Variants in TNFSF18 observed in about 807,000 individuals in gnomAD.
The protein encoded by TNFSF18 is TNF superfamily member 18, also known as tumor necrosis factor ligand superfamily member 18.
Under a neutral mutation model 9.6 loss-of-function variants are expected in TNFSF18, and 6 were observed. The observed-to-expected ratio is 0.63, with a 90% CI of 0.34 to 1.24. The LOEUF is 1.24. Ranked by LOEUF, TNFSF18 falls within the 50% of genes most tolerant of loss-of-function variation. The pLI is 0.03. For missense variants in TNFSF18, 210 were observed against 201.0 expected (o/e 1.04, Z -0.27); for synonymous variants, 68 against 71.7 (o/e 0.95, Z 0.26).
At chr1:173,049,555 G>A (rs769338848) in intron 1 of TNFSF18, among the ~76,000 whole-genome samples, 105 of 152,226 alleles carry the variant, frequency 6.9e-4, no homozygotes, top group Non-Finnish European at 1.2e-3. Context: ...GGGCTACTGT[G>A]GAAAAATTGG....
rs747192795 is a variant in TNFSF18, at chr1:173,050,888, C to G, written c.9G>C (p.Leu3Phe). The G allele has an allele frequency of 1.9e-6, 3 of 1,613,784 alleles. No homozygotes were observed. The South Asian group carries it at 3.3e-5, about 18-fold the overall frequency. Residue 3 changes from leucine (L) to phenylalanine (F), a missense_variant, in exon 1 of 3, where the codon TTG becomes TTC. Coordinates refer to ENST00000404377, the MANE Select transcript of TNFSF18 (RefSeq NM_005092.4). ...TTAAAGGCATATTTTCCAAGTGGCT[C>G]AAACACATTTTTGGAGAAATGAGAG... MCLSHLENMPLSH... is the reference protein window; with the variant it reads MCFSHLENMPLSH...
At chr1:173,050,130 T>C (rs1665146145) in intron 1 of TNFSF18, among the ~76,000 whole-genome samples, 1 of 152,200 alleles carries the variant, frequency 6.6e-6, no homozygotes, top group African/African-American at 2.4e-5. Flanking sequence ...ATTTTATAGC[T>C]AGAAGAAACA....
chr1:173,050,940 A>T lies in TNFSF18; in HGVS notation c.-44T>A, dbSNP rs1188887180. ...TGTGGAAAACAAAAATTCACAAGTG[A>T]TGGGTGAAGGATGCAATGTCATGTT... On this transcript the variant is annotated 5_prime_UTR_variant, in exon 1 of 3. Transcript: ENST00000404377. The T allele has an allele frequency of 6.2e-7, 1 of 1,613,580 alleles. No individual in the cohort carries two copies. The highest frequency in any genetic ancestry group is 1.7e-5 in the Admixed American group (1 of 60,000).
rs1172494133 is a variant in TNFSF18, at chr1:173,041,235, C to A, written c.*132G>T. ...GATAGGCATGATAGATGAAAATTCA[C>A]GTGCAGAGGAGTTCTGTTTGTGTTG... is the stretch of plus-strand genomic sequence containing the variant. On this transcript the variant is annotated 3_prime_UTR_variant, in exon 3 of 3. Transcript: ENST00000404377. The A allele has an allele frequency of 4.2e-6, 3 of 718,962 alleles. No homozygotes were observed. The highest frequency in any genetic ancestry group is 3.2e-5 in the Admixed American group (1 of 31,396). 44.5% of individuals were successfully genotyped at this position (718,962 alleles called of 1,614,324 possible). A position where few individuals can be genotyped will look rare whatever the true frequency, so the allele number is the denominator to read the frequency against.
rs186245316 is a variant in TNFSF18, at chr1:173,049,182, C to A, written c.156+1559G>T. 2.0e-3 allele frequency among the ~76,000 whole-genome samples: 299 copies of A among 152,234 alleles called. 5 individuals are homozygous for A. Among genetic ancestry groups the A allele is most frequent in the Non-Finnish European group, 4.4e-4 (30 of 68,000 alleles). Reference sequence around the variant, plus strand: ...TCCCAGATGATCTGGCATTATTAGACTTTCTCTTTCCCTTTGCAAGAACTG... The same window carrying A: ...TCCCAGATGATCTGGCATTATTAGAATTTCTCTTTCCCTTTGCAAGAACTG... On this transcript the variant is annotated intron_variant, in intron 1 of 2. Transcript: ENST00000404377.
At chr1:173,045,834 G>T (rs1463902265) in intron 1 of TNFSF18, among the ~76,000 whole-genome samples, 2 of 152,158 alleles carry the variant, frequency 1.3e-5, no homozygotes, top group Non-Finnish European at 2.9e-5. Context: ...TTGGATAGAT[G>T]CATGGACAAT....
Position 173,041,571 on chromosome 1 carries a change from T to A in TNFSF18, c.330A>T (p.Val110=). 6.2e-7 allele frequency: 1 copy of A among 1,613,638 alleles called. No individual in the cohort carries two copies. The highest frequency in any genetic ancestry group is 8.5e-7 in the Non-Finnish European group (1 of 1,179,674). ...TATACAGCCGCACCTCAAAAGGAGC[T>A]ACATCATTGTAGTTTGCATTGGGAG... ...QVAPNANYND[V]APFEVRLYKN... Residue 110 remains valine, a synonymous_variant, in exon 3 of 3, where the codon GTA becomes GTT. Coordinates refer to ENST00000404377, the MANE Select transcript of TNFSF18 (RefSeq NM_005092.4).
chr1:173,041,470 A>C lies in TNFSF18; in HGVS notation c.431T>G (p.Val144Gly), dbSNP rs772060296. 6.2e-7 allele frequency: 1 copy of C among 1,613,542 alleles called. No individual in the cohort carries two copies. The highest frequency in any genetic ancestry group is 8.5e-7 in the Non-Finnish European group (1 of 1,179,614). ...QNVGGTYELH[V>G]GDTIDLIFNS... Reference sequence around the variant, plus strand: ...GAATATCAAGTCTATGGTGTCCCCAACATGCAATTCATAAGTCCCTCCTAC... The same window carrying C: ...GAATATCAAGTCTATGGTGTCCCCACCATGCAATTCATAAGTCCCTCCTAC... The change falls in exon 3 of 3, where the codon GTT becomes GGT. Residue 144 changes from valine (V) to glycine (G), a missense_variant. Val to Gly is a moderately radical substitution (Grantham distance 109). Transcript: ENST00000404377.
In TNFSF18 at chr1:173,041,529, T is replaced by C. The variant is rs1416894555; in HGVS notation, c.372A>G (p.Ile124Met). 6 of 1,613,606 alleles carry C rather than the reference T, an allele frequency of 3.7e-6. No homozygotes were observed. Among genetic ancestry groups the C allele is most frequent in the Middle Eastern group, 1.6e-4 (1 of 6,062 alleles). Residue 124 changes from isoleucine (I) to methionine (M), a missense_variant, in exon 3 of 3, where the codon ATA (isoleucine) becomes ATG (methionine). Coordinates refer to ENST00000404377, the MANE Select transcript of TNFSF18 (RefSeq NM_005092.4). Reference protein sequence around the residue: ...EVRLYKNKDMIQTLTNKSKIQ... With the variant: ...EVRLYKNKDMMQTLTNKSKIQ... ...TTTTAGATTTGTTTGTTAGAGTTTG[T>C]ATCATGTCTTTGTTTTTATACAGCC...
chr1:173,043,987 G>A lies in TNFSF18; in HGVS notation c.157-18C>T, dbSNP rs1665032148. The A allele has an allele frequency of 6.2e-7, 1 of 1,609,736 alleles. No homozygotes were observed. The highest frequency in any genetic ancestry group is 8.5e-7 in the Non-Finnish European group (1 of 1,176,194). On this transcript the variant is annotated intron_variant, in intron 1 of 2. Transcript: ENST00000404377. ...TTAGCAGTCTGTTGGGGAAATAAAA[G>A]ATGAATTGATTAGGATGATGACAGT...
Position 173,041,354 on chromosome 1 carries a change from T to G in TNFSF18, c.*13A>C. On this transcript the variant is annotated 3_prime_UTR_variant, in exon 3 of 3. Coordinates refer to ENST00000404377, the MANE Select transcript of TNFSF18 (RefSeq NM_005092.4). Reference sequence around the variant, plus strand: ...ACATGTGCTGAAGGGAATGAGGAGATCAAATCAAGTCTCTAGGAGATGAAT... The same window carrying G: ...ACATGTGCTGAAGGGAATGAGGAGAGCAAATCAAGTCTCTAGGAGATGAAT... 3.8e-6 allele frequency: 6 copies of G among 1,580,018 alleles called. No individual in the cohort carries two copies. The highest frequency in any genetic ancestry group is 5.2e-6 in the Non-Finnish European group (6 of 1,159,994).
chr1:173,043,021 A>G (rs1665017300), intron 2 of TNFSF18, among the ~76,000 whole-genome samples: 1 of 152,170 alleles, frequency 6.6e-6, no homozygotes, highest in African/African-American at 2.4e-5. Flanking sequence ...ACCAGGAAGA[A>G]GTGTCATTGG....
intron 1 of TNFSF18, among the ~76,000 whole-genome samples, chr1:173,045,999 A>G (rs1395325901): frequency 6.6e-6 from 1 of 152,142 alleles, no homozygotes; most frequent in African/African-American, 2.4e-5. Flanking sequence ...GAGTTATTAG[A>G]TGTTTGAAGA....
At chr1:173,044,846 G>C (rs1665053877) in intron 1 of TNFSF18, among the ~76,000 whole-genome samples, 1 of 152,094 alleles carries the variant, frequency 6.6e-6, no homozygotes, top group Non-Finnish European at 1.5e-5. Flanking sequence ...AGAGAGCATG[G>C]TGTCTCTGAC....
intron 1 of TNFSF18, among the ~76,000 whole-genome samples, chr1:173,049,768 T>TAA (rs1369604395): frequency 3.3e-5 from 5 of 152,200 alleles, no homozygotes; most frequent in Non-Finnish European, 5.9e-5. Flanking sequence ...CCCCAAAACT[T>TAA]AGAGTCTTCA....
chr1:173,048,777 C>T (rs879164714), intron 1 of TNFSF18, among the ~76,000 whole-genome samples: 6 of 152,078 alleles, frequency 3.9e-5, no homozygotes, highest in East Asian at 3.9e-4. Flanking sequence ...TAAAACTTCA[C>T]GGTTCATGGG....
chr1:173,042,191 C>G (rs892274653), intron 2 of TNFSF18, among the ~76,000 whole-genome samples: 2 of 152,172 alleles, frequency 1.3e-5, no homozygotes, highest in South Asian at 4.1e-4. Flanking sequence ...ATCATTCCCT[C>G]ATTTTACCTT....
chr1:173,044,536 T>C (rs1263207434), intron 1 of TNFSF18, among the ~76,000 whole-genome samples: 1 of 152,182 alleles, frequency 6.6e-6, no homozygotes, highest in Admixed American at 6.6e-5. Flanking sequence ...TGTACGGCAG[T>C]TCACATGCTA....
chr1:173,047,078 TA>T lies in TNFSF18; in HGVS notation c.157-3110del, dbSNP rs1188925653. Among the ~76,000 whole-genome samples, 3 of 152,188 alleles carry T rather than the reference TA, an allele frequency of 2.0e-5. No homozygotes were observed. The East Asian group carries it at 5.8e-4, about 29-fold the overall frequency. On this transcript the variant is annotated intron_variant, in intron 1 of 2. Transcript: ENST00000404377. ...CAGCTATTTTTTTTGTATTTTTTTG[TA>T]GAGACAGGGTTTTGCCATGTTGCCC... is the stretch of plus-strand genomic sequence containing the variant.
Sources: gnomAD v4.1 joint callset for allele counts (sites outside exome capture counted in the v4.1 genomes callset) on GRCh38, gnomAD v4.1.1 for gene constraint, MANE v1.5 for transcripts, NCBI Gene and HGNC (gene_info 2026-07-23, HGNC 2026-07-21) for gene names.